Variants in RELN observed in about 807,000 individuals in gnomAD.
RELN encodes the protein reelin.
RELN carries 108 observed loss-of-function variants against 427.6 expected under a neutral mutation model. That is an observed-to-expected ratio of 0.25 (90% confidence interval 0.22 to 0.30). The LOEUF is 0.30. RELN is among the 10% of genes least tolerant of loss of function. The pLI, the probability that RELN is intolerant of heterozygous loss-of-function variation, is 1.00. For missense variants in RELN, 3,715 were observed against 4,302.8 expected (o/e 0.86, Z 3.82); for synonymous variants, 1,524 against 1,513.4 (o/e 1.01, Z -0.16).
At chr7:103,782,331 T>C (rs1233241942) in intron 3 of RELN, among the ~76,000 whole-genome samples, 2 of 152,110 alleles carry the variant, frequency 1.3e-5, no homozygotes, top group Non-Finnish European at 2.9e-5. Flanking sequence ...TGAGGTATAG[T>C]CTCTGCAAGG....
chr7:103,654,000 C>G lies in RELN; in HGVS notation c.1554+93G>C, dbSNP rs2075042. The stretch of plus-strand genomic sequence containing the variant: ...CTGGCCTGTCAGAACAGGGATGTAT[C>G]TTCTGCATCTGGAGTGGTCTTTGTG... On this transcript the variant is annotated intron_variant, in intron 13 of 64. Transcript: ENST00000428762. The G allele has an allele frequency of 0.044, 34,805 of 783,364 alleles. 1,159 individuals carry two copies. The highest frequency in any genetic ancestry group is 0.14 in the East Asian group (5,513 of 40,474). 48.5% of individuals were successfully genotyped at this position (783,364 alleles called of 1,614,324 possible). A position where few individuals can be genotyped will look rare whatever the true frequency, so the allele number is the denominator to read the frequency against.
At chr7:103,753,068 A>T (rs1310986187) in intron 5 of RELN, 114 bp downstream of exon 5, 1 of 1,037,296 alleles carries the variant, frequency 9.6e-7, no homozygotes, top group East Asian at 2.4e-5. Context: ...GTGACTGATC[A>T]ATGATCAGAG....
intron 2 of RELN, among the ~76,000 whole-genome samples, chr7:103,839,302 GC>G (rs1221626756): frequency 5.3e-5 from 4 of 75,042 alleles, no homozygotes; most frequent in Non-Finnish European, 9.2e-5. Flanking sequence ...AGTGGTCTTT[GC>G]TTTTTTTTTT....
chr7:103,757,024 C>T (rs78543715), intron 4 of RELN, among the ~76,000 whole-genome samples: 9,299 of 152,156 alleles, frequency 0.061, 635 homozygotes, highest in African/African-American at 0.16. Flanking sequence ...AGGAAGTTCA[C>T]CATCTTTTCC....
chr7:103,900,961 T>TG (rs1466205172), intron 2 of RELN, among the ~76,000 whole-genome samples: 2 of 147,290 alleles, frequency 1.4e-5, no homozygotes, highest in Non-Finnish European at 3.0e-5. Flanking sequence ...TTCTTTGGGG[T>TG]GAAAAAAAAC....
In RELN at chr7:103,732,692, C is replaced by G. The variant is rs184733720; in HGVS notation, c.657-4485G>C. Among the ~76,000 whole-genome samples, 254 of 152,172 alleles carry G rather than the reference C, an allele frequency of 1.7e-3. 1 individual carries two copies. The highest frequency in any genetic ancestry group is 5.6e-3 in the African/African-American group (233 of 41,536). ...CAAGGAAAGTAATTCCTGGCTTACC[C>G]CAGAATTTGAAACAATACTTAAATG... is the stretch of plus-strand genomic sequence containing the variant. On this transcript the variant is annotated intron_variant, in intron 6 of 64. Transcript: ENST00000428762.
At chr7:103,817,071 T>G (rs940851468) in intron 3 of RELN, among the ~76,000 whole-genome samples, 1 of 152,068 alleles carries the variant, frequency 6.6e-6, no homozygotes, top group African/African-American at 2.4e-5. Context: ...AGACTGGTCT[T>G]GAACTCCTGA....
At chr7:103,737,380 T>A (rs868270084) in intron 6 of RELN, among the ~76,000 whole-genome samples, 15 of 152,360 alleles carry the variant, frequency 9.8e-5, no homozygotes, top group Middle Eastern at 3.4e-3. Flanking sequence ...TCAGTCTTAC[T>A]TCTTTCTGAT....
intron 63 of RELN, 129 bp downstream of exon 63, chr7:103,482,744 G>C: frequency 6.5e-7 from 1 of 1,546,342 alleles, no homozygotes; most frequent in Non-Finnish European, 8.7e-7. Flanking sequence ...GCAAAAGAGT[G>C]TAAGCCAAAG....
In RELN at chr7:103,519,443, T is replaced by G. The variant is rs746033703; in HGVS notation, c.7742A>C (p.Tyr2581Ser). 6.2e-7 allele frequency: 1 copy of G among 1,613,380 alleles called. No individual in the cohort carries two copies. Among genetic ancestry groups the G allele is most frequent in the South Asian group, 1.1e-5 (1 of 91,070 alleles). Reference protein sequence around the residue: ...NAEFIQFYFMYGCLITPNNRN... With the variant: ...NAEFIQFYFMSGCLITPNNRN... ...GTTGTTTGGTGTAATCAGGCACCCA[T>G]ACATGAAGTAAAATTGGATGAACTC... The change falls in exon 49 of 65, where the codon TAT becomes TCT. Residue 2581 changes from tyrosine to serine, a missense_variant. Coordinates refer to ENST00000428762, the MANE Select transcript of RELN (RefSeq NM_005045.4).
intron 49 of RELN, among the ~76,000 whole-genome samples, chr7:103,516,286 C>CTTTT (rs3051646): frequency 0.031 from 4,353 of 141,078 alleles, 128 homozygotes; most frequent in South Asian, 0.15. Flanking sequence ...CACAAAGTAT[C>CTTTT]TTTTTTTTTT....
At chr7:103,696,145 G>GTGA (rs1198972987) in intron 10 of RELN, among the ~76,000 whole-genome samples, 1 of 152,004 alleles carries the variant, frequency 6.6e-6, no homozygotes, top group African/African-American at 2.4e-5. Context: ...TACTTTTCTT[G>GTGA]TGATCCTCAC....
chr7:103,971,028 C>T (rs1041423529), intron 1 of RELN, among the ~76,000 whole-genome samples: 9 of 151,760 alleles, frequency 5.9e-5, no homozygotes, highest in African/African-American at 2.2e-4. Context: ...CGCGGGCACC[C>T]ATAATCCCAG....
At chr7:103,939,637 A>C (rs1796066642) in intron 1 of RELN, among the ~76,000 whole-genome samples, 1 of 152,246 alleles carries the variant, frequency 6.6e-6, no homozygotes, top group African/African-American at 2.4e-5. Context: ...ACACTTTTAC[A>C]AATGTATCCT....
chr7:103,925,016 A>T, intron 1 of RELN, among the ~76,000 whole-genome samples: 1 of 66,104 alleles, frequency 1.5e-5, no homozygotes, highest in East Asian at 6.7e-4. Flanking sequence ...ACACACACAC[A>T]CACACACACA....
At chr7:103,773,114 T>TTCTTTCTTTCTTTCTTTCTTTCTTTCTC (rs2116189741) in intron 4 of RELN, among the ~76,000 whole-genome samples, 1 of 68,558 alleles carries the variant, frequency 1.5e-5, no homozygotes, top group East Asian at 5.7e-4. Context: ...CTTTCTTTCT[T>TTCTTTCTTTCTTTCTTTCTTTCTTTCTC]TCTTTCTTTC....
intron 7 of RELN, among the ~76,000 whole-genome samples, chr7:103,725,045 T>A (rs945043131): frequency 6.6e-6 from 1 of 152,162 alleles, no homozygotes; most frequent in Admixed American, 6.6e-5. Flanking sequence ...GAATGGCTGA[T>A]ACATAACTTT....
chr7:103,798,919 T>C (rs919940862), intron 3 of RELN, among the ~76,000 whole-genome samples: 38 of 152,308 alleles, frequency 2.5e-4, no homozygotes, highest in African/African-American at 9.1e-4. Context: ...GTCACTGGGC[T>C]CCAACCAAGG....
At chr7:103,704,434 C>A (rs948864587) in intron 8 of RELN, among the ~76,000 whole-genome samples, 2 of 152,122 alleles carry the variant, frequency 1.3e-5, no homozygotes, top group African/African-American at 4.8e-5. Context: ...ATGCCCTCAT[C>A]TTTCACCACA....
Sources: gnomAD v4.1 joint callset for allele counts (sites outside exome capture counted in the v4.1 genomes callset) on GRCh38, gnomAD v4.1.1 for gene constraint, MANE v1.5 for transcripts, NCBI Gene and HGNC (gene_info 2026-07-23, HGNC 2026-07-21) for gene names.